Variants in SLC38A9 observed in about 807,000 individuals in gnomAD.
SLC38A9 encodes the protein solute carrier family 38 member 9, also known as neutral amino acid transporter 9.
In SLC38A9, 48 loss-of-function variants were observed where a neutral mutation model predicts 62.3. The ratio of observed to expected loss-of-function variants is 0.77; its 90% CI spans 0.61 to 0.98. The LOEUF is 0.98. SLC38A9 is among the 50% of genes least tolerant of loss of function. SLC38A9 has a pLI of 0.00. For synonymous variants in SLC38A9, 204 were observed against 227.7 expected (o/e 0.90, Z 0.94); for missense variants, 541 against 679.8 (o/e 0.80, Z 2.27).
chr5:55,686,042 T>C (rs1257570649), intron 3 of SLC38A9, among the ~76,000 whole-genome samples: 1 of 152,248 alleles, frequency 6.6e-6, no homozygotes, highest in African/African-American at 2.4e-5. Flanking sequence ...GGCCTTTTGG[T>C]TGATTCCATG....
intron 7 of SLC38A9, among the ~76,000 whole-genome samples, chr5:55,666,907 C>T (rs1346230979): frequency 4.6e-5 from 7 of 151,956 alleles, no homozygotes; most frequent in African/African-American, 1.2e-4. Flanking sequence ...TCCAGCTACT[C>T]GGGAGGCTGA....
At position 55,652,735 on chromosome 5, in the gene SLC38A9, A is replaced by G; in HGVS notation, c.758-12T>C. 1 of 1,598,388 alleles carries G rather than the reference A, an allele frequency of 6.3e-7. No individual in the cohort carries two copies. Among genetic ancestry groups the G allele is most frequent in the Non-Finnish European group, 8.5e-7 (1 of 1,173,126 alleles). ...ACTTGGACAAATCACTGCAATAGGA[A>G]AGCACCAGATTAAAGAAGATGACAA... On this transcript the variant is annotated splice_polypyrimidine_tract_variant and intron_variant, in intron 9 of 15. Coordinates refer to ENST00000396865, the MANE Select transcript of SLC38A9 (RefSeq NM_173514.4).
intron 2 of SLC38A9, among the ~76,000 whole-genome samples, chr5:55,711,118 C>T (rs1221108335): frequency 6.6e-6 from 1 of 151,298 alleles, no homozygotes; most frequent in East Asian, 2.0e-4. Flanking sequence ...CATGGTGAAA[C>T]CCCGTTTCTA....
chr5:55,633,692 G>T, intron 14 of SLC38A9, 62 bp downstream of exon 14: 2 of 1,606,560 alleles, frequency 1.2e-6, no homozygotes, highest in South Asian at 2.2e-5. Flanking sequence ...ACTTTAAACT[G>T]ACCTGCTTGC....
chr5:55,687,616 G>A lies in SLC38A9; in HGVS notation c.113+10230C>T, dbSNP rs1161314043. ...TCTGTGTCATCTCTGATTTCTTTGAGCAGCAGTTTGTAGTTCTCCTTGTAG... is the reference window on the plus strand; with the variant it reads ...TCTGTGTCATCTCTGATTTCTTTGAACAGCAGTTTGTAGTTCTCCTTGTAG... On this transcript the variant is annotated intron_variant, in intron 3 of 15. Transcript: ENST00000396865. Among the ~76,000 whole-genome samples, 4 of 152,192 alleles carry A rather than the reference G, an allele frequency of 2.6e-5. No individual in the cohort carries two copies. The East Asian group carries it at 7.7e-4, about 29-fold the overall frequency.
intron 2 of SLC38A9, among the ~76,000 whole-genome samples, chr5:55,708,870 A>C (rs1305218820): frequency 6.6e-6 from 1 of 152,224 alleles, no homozygotes; most frequent in African/African-American, 2.4e-5. Flanking sequence ...ACTTTATGAA[A>C]AAAATATATC....
At chr5:55,655,195 A>G (rs1451919087) in intron 9 of SLC38A9, among the ~76,000 whole-genome samples, 2 of 152,156 alleles carry the variant, frequency 1.3e-5, no homozygotes, top group African/African-American at 2.4e-5. Context: ...ATTGTTTACT[A>G]CACTGTTCAA....
intron 14 of SLC38A9, among the ~76,000 whole-genome samples, chr5:55,631,755 T>C (rs141862418): frequency 1.3e-3 from 192 of 152,360 alleles, no homozygotes; most frequent in African/African-American, 4.4e-3. Context: ...CTTGTTTAGT[T>C]GCTTACTGTA....
At chr5:55,643,883 C>A (rs1745840509) in intron 12 of SLC38A9, among the ~76,000 whole-genome samples, 1 of 152,150 alleles carries the variant, frequency 6.6e-6, no homozygotes, top group Admixed American at 6.5e-5. Flanking sequence ...CATGGTATAT[C>A]TTTATGTTTA....
At chr5:55,672,897 C>A in intron 3 of SLC38A9, 1 of 441,434 alleles carries the variant, frequency 2.3e-6, no homozygotes, top group Non-Finnish European at 3.8e-6. Flanking sequence ...TCTCATAACA[C>A]TTTTACTTTA....
At chr5:55,687,300 G>A (rs1036056157) in intron 3 of SLC38A9, among the ~76,000 whole-genome samples, 1 of 150,162 alleles carries the variant, frequency 6.7e-6, no homozygotes, top group Non-Finnish European at 1.5e-5. Flanking sequence ...AGTGGCGGGC[G>A]CCTGTGGTCC....
chr5:55,642,900 A>G (rs1745665294), intron 12 of SLC38A9, among the ~76,000 whole-genome samples: 1 of 152,234 alleles, frequency 6.6e-6, no homozygotes, highest in African/African-American at 2.4e-5. Flanking sequence ...TCCTCTACTT[A>G]GAAAGGTTTT....
At chr5:55,646,525 C>T (rs1161102269) in intron 11 of SLC38A9, among the ~76,000 whole-genome samples, 2 of 151,992 alleles carry the variant, frequency 1.3e-5, no homozygotes, top group Non-Finnish European at 2.9e-5. Flanking sequence ...AGAAAAGTAC[C>T]TCTAGAAAAG....
chr5:55,652,631 A>G lies in SLC38A9; in HGVS notation c.850T>C (p.Trp284Arg), dbSNP rs1431752410. 1.9e-6 allele frequency: 3 copies of G among 1,613,710 alleles called. No individual in the cohort carries two copies. Among genetic ancestry groups the G allele is most frequent in the Non-Finnish European group, 2.5e-6 (3 of 1,179,850 alleles). The change falls in exon 10 of 16, where the codon TGG becomes CGG. Residue 284 changes from tryptophan (W) to arginine (R), a missense_variant. Physicochemically the swap from Trp to Arg is moderately radical, Grantham distance 101. Coordinates refer to ENST00000396865, the MANE Select transcript of SLC38A9 (RefSeq NM_173514.4). ...GGGACTGTCCTGGACTTATCCCACC[A>G]CTTTTCAAACTGTTGGGCTCCTGTG... is the stretch of plus-strand genomic sequence containing the variant. The part of the protein sequence containing the change: ...NDTGAQQFEK[W>R]WDKSRTVPFY...
chr5:55,698,932 C>T (rs554904516), intron 2 of SLC38A9, among the ~76,000 whole-genome samples: 1 of 133,866 alleles, frequency 7.5e-6, no homozygotes, highest in South Asian at 2.7e-4. Context: ...GGAGTGAGAC[C>T]CTGTCTCAAA....
intron 2 of SLC38A9, among the ~76,000 whole-genome samples, chr5:55,700,862 G>C (rs746221303): frequency 8.5e-5 from 13 of 152,084 alleles, no homozygotes; most frequent in South Asian, 2.1e-4. Context: ...TACGTCACTG[G>C]TCCCTCCTCC....
At chr5:55,668,408 T>G (rs11954105) in intron 7 of SLC38A9, among the ~76,000 whole-genome samples, 90,968 of 151,948 alleles carry the variant, frequency 0.6, 27,823 homozygotes, top group South Asian at 0.7. Context: ...TATTTATTTT[T>G]TATTTTTTAA....
chr5:55,687,398 G>A (rs1364338700), intron 3 of SLC38A9, among the ~76,000 whole-genome samples: 6 of 118,748 alleles, frequency 5.1e-5, no homozygotes, highest in African/African-American at 2.0e-4. Flanking sequence ...CAGCACTCCC[G>A]CCTGGGCGAC....
chr5:55,677,926 T>TTTTGTGTGTG (rs1554062823), intron 3 of SLC38A9, among the ~76,000 whole-genome samples: 1 of 112,144 alleles, frequency 8.9e-6, no homozygotes, highest in Admixed American at 1.0e-4. Context: ...TTTTTCTTTA[T>TTTTGTGTGTG]TGTGTGTGTG....
Sources: gnomAD v4.1 joint callset for allele counts (sites outside exome capture counted in the v4.1 genomes callset) on GRCh38, gnomAD v4.1.1 for gene constraint, MANE v1.5 for transcripts, NCBI Gene and HGNC (gene_info 2026-07-23, HGNC 2026-07-21) for gene names.